The following FOXL2NB variants were observed in gnomAD, a reference collection of about 807,000 sequenced individuals.
FOXL2NB encodes FOXL2 neighbor protein.
FOXL2NB carries 10 observed loss-of-function variants against 7.4 expected under a neutral mutation model. The ratio of observed to expected loss-of-function variants is 1.34; its 90% CI spans 0.83 to 2.28. The LOEUF is 2.28. Ranked by LOEUF, FOXL2NB falls within the 30% of genes most tolerant of loss-of-function variation. FOXL2NB has a pLI of 0.00. For synonymous variants in FOXL2NB, 104 were observed against 105.3 expected (o/e 0.99, Z 0.08); for missense variants, 228 against 233.9 (o/e 0.97, Z 0.17).
rs558920398 is a variant in FOXL2NB, at chr3:138,953,754, A to C, written c.*3182A>C. On this transcript the variant is annotated 3_prime_UTR_variant, in exon 3 of 3. Transcript: ENST00000383165. ...TATTTGGATTTCTATCACCATAAAT[A>C]ACCTTTGCCTGCCTTGAGCCTCGTA... Among the ~76,000 whole-genome samples the C allele has an allele frequency of 1.3e-5, 2 of 152,360 alleles. No individual in the cohort carries two copies. The highest frequency in any genetic ancestry group is 4.1e-4 in the South Asian group (2 of 4,824).
chr3:138,949,220 G>A lies in FOXL2NB; in HGVS notation c.101-300G>A, dbSNP rs1936063639. ...CCTTTTTTTTTTTCTTGACCACCCA[G>A]GCTGGCTCTCTGCGTCTCTCTGTCT... On this transcript the variant is annotated intron_variant, in intron 1 of 2. Transcript: ENST00000383165. The surrounding 1 kb of genome is among the most constrained non-coding windows in gnomAD (Gnocchi z 4.5). 1.3e-5 allele frequency among the ~76,000 whole-genome samples: 2 copies of A among 151,400 alleles called. No homozygotes were observed. Among genetic ancestry groups the A allele is most frequent in the African/African-American group, 4.9e-5 (2 of 41,054 alleles).
Position 138,947,662 on chromosome 3 carries a change from G to T in FOXL2NB, c.100+198G>T. 1 of 1,350,310 alleles carries T rather than the reference G, an allele frequency of 7.4e-7. No homozygotes were observed. Among genetic ancestry groups the T allele is most frequent in the Non-Finnish European group, 9.5e-7 (1 of 1,055,332 alleles). The allele number at this position is 1,350,310 out of a possible 1,614,324, so 83.6% of individuals were successfully genotyped here. On this transcript the variant is annotated intron_variant, in intron 1 of 2. Coordinates refer to ENST00000383165, the MANE Select transcript of FOXL2NB (RefSeq NM_001040061.3). This position sits in a 1 kb window ranked among gnomAD's most constrained non-coding sequence, Gnocchi z 5.2. ...AGCCTCGGCCTGGCCTGTCCCTCGC[G>T]CTCTCAGAGTGACTGGGCTGGAATG...
chr3:138,947,933 T>G lies in FOXL2NB; in HGVS notation c.100+469T>G. On this transcript the variant is annotated intron_variant, in intron 1 of 2. Transcript: ENST00000383165. The surrounding 1 kb of genome is among the most constrained non-coding windows in gnomAD (Gnocchi z 5.2). ...TGTATGTGTGTGCACAGGGGTCACATATGGAAGTCATGGAGAGGAGCTGTC... is the reference window on the plus strand; with the variant it reads ...TGTATGTGTGTGCACAGGGGTCACAGATGGAAGTCATGGAGAGGAGCTGTC... 1 of 986,722 alleles carries G rather than the reference T, an allele frequency of 1.0e-6. No homozygotes were observed. The highest frequency in any genetic ancestry group is 1.2e-6 in the Non-Finnish European group (1 of 830,938). 61.1% of individuals were successfully genotyped at this position (986,722 alleles called of 1,614,324 possible).
Position 138,949,549 on chromosome 3 carries a change from C to T in FOXL2NB, c.130C>T (p.Pro44Ser). The T allele has an allele frequency of 2.5e-6, 4 of 1,614,130 alleles. No individual in the cohort carries two copies. The South Asian group carries it at 4.4e-5, about 18-fold the overall frequency. Residue 44 changes from proline (P) to serine (S), a missense_variant, in exon 2 of 3, where the codon CCT (proline) becomes TCT (serine). Pro to Ser is a moderately conservative substitution (Grantham distance 74). Transcript: ENST00000383165. The surrounding 1 kb of genome is among the most constrained non-coding windows in gnomAD (Gnocchi z 4.5). Reference sequence around the variant, plus strand: ...CCCAGCCCTGGTGAAGAAGAGGATGCCTGATGCGTGCACCCTGGGAAGGGC... The same window carrying T: ...CCCAGCCCTGGTGAAGAAGAGGATGTCTGATGCGTGCACCCTGGGAAGGGC... ...ESPALVKKRM[P>S]DACTLGRAGI...
In FOXL2NB at chr3:138,949,219, A is replaced by G. The variant is rs1936063457; in HGVS notation, c.101-301A>G. ...TCCTTTTTTTTTTTCTTGACCACCC[A>G]GGCTGGCTCTCTGCGTCTCTCTGTC... On this transcript the variant is annotated intron_variant, in intron 1 of 2. Coordinates refer to ENST00000383165, the MANE Select transcript of FOXL2NB (RefSeq NM_001040061.3). This position sits in a 1 kb window ranked among gnomAD's most constrained non-coding sequence, Gnocchi z 4.5. Among the ~76,000 whole-genome samples the G allele has an allele frequency of 6.1e-5, 8 of 131,048 alleles. No individual in the cohort carries two copies. The South Asian group carries it at 2.1e-3, about 34-fold the overall frequency. 86.0% of individuals were successfully genotyped at this position (131,048 alleles called of 152,430 possible).
intron 1 of FOXL2NB, chr3:138,948,108 C>A: frequency 2.2e-6 from 1 of 450,008 alleles, no homozygotes. Context: ...GTAAATGTAG[C>A]TGGTGGATAT....
chr3:138,949,678 C>T lies in FOXL2NB; in HGVS notation c.220+39C>T, dbSNP rs1936076601. On this transcript the variant is annotated intron_variant, in intron 2 of 2. Coordinates refer to ENST00000383165, the MANE Select transcript of FOXL2NB (RefSeq NM_001040061.3). This position sits in a 1 kb window ranked among gnomAD's most constrained non-coding sequence, Gnocchi z 4.5. ...GGCGGGAAAGCTGGCAGAATGATTACTTTCAGGTCCCCTCCAGGCTTCTGC... is the reference window on the plus strand; with the variant it reads ...GGCGGGAAAGCTGGCAGAATGATTATTTTCAGGTCCCCTCCAGGCTTCTGC... The T allele has an allele frequency of 1.9e-6, 3 of 1,613,540 alleles. No individual in the cohort carries two copies. Among genetic ancestry groups the T allele is most frequent in the Non-Finnish European group, 2.5e-6 (3 of 1,179,794 alleles).
chr3:138,948,586 A>G (rs973144960), intron 1 of FOXL2NB, among the ~76,000 whole-genome samples: 1 of 152,208 alleles, frequency 6.6e-6, no homozygotes, highest in Non-Finnish European at 1.5e-5. Flanking sequence ...TGGATGTCAT[A>G]TAGCTGTGCA....
rs1207326182 is a variant in FOXL2NB at position 138,947,400 on chromosome 3, G to T, written c.36G>T (p.Arg12=). 6.5e-6 allele frequency: 10 copies of T among 1,545,294 alleles called. No individual in the cohort carries two copies. The highest frequency in any genetic ancestry group is 8.7e-6 in the Non-Finnish European group (10 of 1,144,218). Residue 12 remains arginine, a synonymous_variant, in exon 1 of 3, where the codon CGG becomes CGT. Transcript: ENST00000383165. The surrounding 1 kb of genome is among the most constrained non-coding windows in gnomAD (Gnocchi z 5.2). ...TRTPVGSART[R]PKPRKLGPQR... The stretch of plus-strand genomic sequence containing the variant: ...CCCCGGTGGGGTCTGCCCGCACCCG[G>T]CCAAAGCCCAGGAAGCTCGGGCCCC...
In FOXL2NB at chr3:138,949,163, A is replaced by T. The variant is rs1397414261; in HGVS notation, c.101-357A>T. On this transcript the variant is annotated intron_variant, in intron 1 of 2. Transcript: ENST00000383165. The surrounding 1 kb of genome is among the most constrained non-coding windows in gnomAD (Gnocchi z 4.5). ...GGGAAAAACAGCTGGGTCTGGCCCCATCCTGGTGGGGGCTCCTCTCTCCTT... is the reference window on the plus strand; with the variant it reads ...GGGAAAAACAGCTGGGTCTGGCCCCTTCCTGGTGGGGGCTCCTCTCTCCTT... 6.7e-6 allele frequency among the ~76,000 whole-genome samples: 1 copy of T among 150,084 alleles called. No homozygotes were observed. The highest frequency in any genetic ancestry group is 1.5e-5 in the Non-Finnish European group (1 of 67,744).
chr3:138,950,189 G>T, intron 2 of FOXL2NB, 76 bp from the exon 3 acceptor site: 2 of 1,507,358 alleles, frequency 1.3e-6, no homozygotes, highest in Non-Finnish European at 9.2e-7. Context: ...CTCGCAGCCT[G>T]GCCCCGCGCC....
At chr3:138,950,123 T>G in intron 2 of FOXL2NB, 142 bp from the exon 3 acceptor site, 1 of 913,828 alleles carries the variant, frequency 1.1e-6, no homozygotes, top group Non-Finnish European at 1.7e-6. Flanking sequence ...TAGCGCCGCC[T>G]GCGGATACGG....
At chr3:138,948,192 G>T (rs2107746464) in intron 1 of FOXL2NB, among the ~76,000 whole-genome samples, 1 of 151,736 alleles carries the variant, frequency 6.6e-6, no homozygotes, top group Non-Finnish European at 1.5e-5. Flanking sequence ...ATTCTTCGAT[G>T]CCTCTTTCCC....
rs1936069201 is a variant in FOXL2NB, at chr3:138,949,416, G to GTGTT, written c.101-103_101-102insGTTT. 4 of 1,246,510 alleles carry GTGTT rather than the reference G, an allele frequency of 3.2e-6. No individual in the cohort carries two copies. The Admixed American group carries it at 8.0e-5, about 25-fold the overall frequency. 77.2% of individuals were successfully genotyped at this position (1,246,510 alleles called of 1,614,324 possible). A position where few individuals can be genotyped will look rare whatever the true frequency, so the allele number is the denominator to read the frequency against. On this transcript the variant is annotated intron_variant, in intron 1 of 2. Coordinates refer to ENST00000383165, the MANE Select transcript of FOXL2NB (RefSeq NM_001040061.3). The surrounding 1 kb of genome is among the most constrained non-coding windows in gnomAD (Gnocchi z 4.5). ...CGTGTGTGTGTGTGTGTGTGTGTGT[G>GTGTT]TAGGGGTTGGGGGCAAATGAAGGAG...
intron 2 of FOXL2NB, 62 bp from the exon 3 acceptor site, chr3:138,950,203 G>A (rs1315678482): frequency 6.4e-7 from 1 of 1,569,818 alleles, no homozygotes; most frequent in African/African-American, 1.4e-5. Flanking sequence ...CCGCGCCTCG[G>A]AGGTCCCGAC....
Position 138,950,985 on chromosome 3 carries a change from C to T in FOXL2NB, c.*413C>T. The T allele has an allele frequency of 4.2e-6, 1 of 240,222 alleles. No homozygotes were observed. Among genetic ancestry groups the T allele is most frequent in the Non-Finnish European group, 8.0e-6 (1 of 124,876 alleles). The allele number at this position is 240,222 out of a possible 1,614,324, so 14.9% of individuals were successfully genotyped here. On this transcript the variant is annotated 3_prime_UTR_variant, in exon 3 of 3. Coordinates refer to ENST00000383165, the MANE Select transcript of FOXL2NB (RefSeq NM_001040061.3). ...GTGATTCGGGTGACTGGGCTGCCACCTGGGTGTTTTCATGATGGGACTGCC... is the reference window on the plus strand; with the variant it reads ...GTGATTCGGGTGACTGGGCTGCCACTTGGGTGTTTTCATGATGGGACTGCC...
In FOXL2NB at chr3:138,949,964, C is replaced by T. The variant is rs1380353371; in HGVS notation, c.221-301C>T. The T allele has an allele frequency of 2.9e-6, 2 of 693,560 alleles. No homozygotes were observed. The highest frequency in any genetic ancestry group is 5.3e-6 in the Non-Finnish European group (2 of 380,712). 43.0% of individuals were successfully genotyped at this position (693,560 alleles called of 1,614,324 possible). A position where few individuals can be genotyped will look rare whatever the true frequency, so the allele number is the denominator to read the frequency against. ...CCCGCGGCATTGGGGCGACGCAGGGCCCCCGGCTTAGTGACCTTGGGGCGG... is the reference window on the plus strand; with the variant it reads ...CCCGCGGCATTGGGGCGACGCAGGGTCCCCGGCTTAGTGACCTTGGGGCGG... On this transcript the variant is annotated intron_variant, in intron 2 of 2. Coordinates refer to ENST00000383165, the MANE Select transcript of FOXL2NB (RefSeq NM_001040061.3). This position sits in a 1 kb window ranked among gnomAD's most constrained non-coding sequence, Gnocchi z 4.5.
Position 138,949,196 on chromosome 3 carries a change from C to CT in FOXL2NB, c.101-313dup, listed in dbSNP as rs1231942422. ...GGGGGCTCCTCTCTCCTTTTCTCTCCTTTTTTTTTTTCTTGACCACCCAGG... is the reference window on the plus strand; with the variant it reads ...GGGGGCTCCTCTCTCCTTTTCTCTCCTTTTTTTTTTTTCTTGACCACCCAGG... On this transcript the variant is annotated intron_variant, in intron 1 of 2. Coordinates refer to ENST00000383165, the MANE Select transcript of FOXL2NB (RefSeq NM_001040061.3). This position sits in a 1 kb window ranked among gnomAD's most constrained non-coding sequence, Gnocchi z 4.5. Among the ~76,000 whole-genome samples, 201 of 146,198 alleles carry CT rather than the reference C, an allele frequency of 1.4e-3. 1 individual carries two copies. The highest frequency in any genetic ancestry group is 2.9e-3 in the African/African-American group (118 of 40,120).
rs1268979214 is a variant in FOXL2NB, at chr3:138,949,070, G to A, written c.101-450G>A. Among the ~76,000 whole-genome samples the A allele has an allele frequency of 2.0e-5, 3 of 152,174 alleles. No homozygotes were observed. The highest frequency in any genetic ancestry group is 7.2e-5 in the African/African-American group (3 of 41,464). Reference sequence around the variant, plus strand: ...TGCCCAAGCTTTGGGTGGGAGTGGTGAGTCCGGTTTGGGGCTGCTGCAGAT... The same window carrying A: ...TGCCCAAGCTTTGGGTGGGAGTGGTAAGTCCGGTTTGGGGCTGCTGCAGAT... On this transcript the variant is annotated intron_variant, in intron 1 of 2. Transcript: ENST00000383165. The surrounding 1 kb of genome is among the most constrained non-coding windows in gnomAD (Gnocchi z 4.5).
Sources: gnomAD v4.1 joint callset for allele counts (sites outside exome capture counted in the v4.1 genomes callset) on GRCh38, gnomAD v4.1.1 for gene constraint, Gnocchi (gnomAD v3.1) non-coding constraint, MANE v1.5 for transcripts, NCBI Gene and HGNC (gene_info 2026-07-23, HGNC 2026-07-21) for gene names.